Variants in CTNNA2 observed in about 807,000 individuals in gnomAD.
The protein encoded by CTNNA2 is catenin alpha 2, also known as catenin alpha-2.
In CTNNA2, 42 loss-of-function variants were observed where a neutral mutation model predicts 101.0. The ratio of observed to expected loss-of-function variants is 0.42; its 90% CI spans 0.32 to 0.54. The LOEUF (loss-of-function observed/expected upper bound fraction) is 0.54. Ranked by LOEUF, CTNNA2 falls within the 20% of genes least tolerant of loss-of-function variation. The pLI is 0.14. For synonymous variants in CTNNA2, 450 were observed against 456.4 expected, an observed-to-expected ratio of 0.99 and a Z score of 0.18; for missense variants, 871 against 1,223.1, an observed-to-expected ratio of 0.71 and a Z score of 4.29.
chr2:80,345,554 C>T (rs1307604377), intron 7 of CTNNA2, among the ~76,000 whole-genome samples: 1 of 151,902 alleles, frequency 6.6e-6, no homozygotes, highest in Non-Finnish European at 1.5e-5. Flanking sequence ...TTGCATCCTC[C>T]CAGAAGAATG....
intron 7 of CTNNA2, among the ~76,000 whole-genome samples, chr2:79,925,669 G>A (rs560937934): frequency 4.6e-5 from 7 of 151,966 alleles, no homozygotes; most frequent in East Asian, 3.9e-4. Context: ...AGGTGCTTCC[G>A]GGTCCCCATT....
chr2:79,551,903 T>G (rs1674124573), intron 1 of CTNNA2, among the ~76,000 whole-genome samples: 2 of 152,102 alleles, frequency 1.3e-5, no homozygotes, highest in Non-Finnish European at 2.9e-5. Context: ...CCCAACAGGC[T>G]CTTCCTCCAA....
intron 8 of CTNNA2, among the ~76,000 whole-genome samples, chr2:80,409,398 C>G (rs753479478): frequency 6.6e-5 from 10 of 152,102 alleles, no homozygotes; most frequent in Non-Finnish European, 1.3e-4. Flanking sequence ...ACGGGAATAA[C>G]TCATGCTTAC....
intron 7 of CTNNA2, among the ~76,000 whole-genome samples, chr2:80,053,140 A>G (rs892856355): frequency 1.3e-5 from 2 of 152,138 alleles, no homozygotes; most frequent in African/African-American, 4.8e-5. Context: ...GGAAGTTAGG[A>G]CTTGTCTTTA....
rs529719743 is a variant in CTNNA2 at position 79,932,240 on chromosome 2, A to G, written c.1056+22443A>G. Among the ~76,000 whole-genome samples the G allele has an allele frequency of 9.9e-5, 15 of 152,244 alleles. No individual in the cohort carries two copies. In the South Asian group the frequency reaches 3.1e-3, roughly 32 times the overall value. On this transcript the variant is annotated intron_variant, in intron 7 of 18. Coordinates refer to ENST00000402739, the MANE Select transcript of CTNNA2 (RefSeq NM_001282597.3). The stretch of plus-strand genomic sequence containing the variant: ...ACCTCCAGAGCCCTCCCTTTCTCTG[A>G]AAAAACAATGCTTTATTATAGTTAT...
intron 1 of CTNNA2, among the ~76,000 whole-genome samples, chr2:79,583,958 C>A (rs1549761): frequency 0.7 from 106,909 of 151,976 alleles, 38,479 homozygotes; most frequent in South Asian, 0.8. Context: ...ACTGGAAATA[C>A]GCTTGTAACA....
rs372502309 is a variant in CTNNA2 at position 80,303,582 on chromosome 2, G to A, written c.1057-89629G>A. ...AACCCCGTGAACTGGCCGGCGCGCA[G>A]CTCCGAGAGGCTGTTGTAGCGCAGG... On this transcript the variant is annotated intron_variant, in intron 7 of 18. Transcript: ENST00000402739. The surrounding 1 kb of genome is among the most constrained non-coding windows in gnomAD (Gnocchi z 7.7). The A allele has an allele frequency of 9.3e-6, 15 of 1,614,104 alleles. No homozygotes were observed. In the African/African-American group the frequency reaches 1.9e-4, roughly 20 times the overall value.
At chr2:79,460,768 C>G (rs577111992) in intron 4 of CTNNA2, among the ~76,000 whole-genome samples, 15 of 152,286 alleles carry the variant, frequency 9.8e-5, no homozygotes, top group African/African-American at 2.2e-4. Context: ...CTACATACAC[C>G]AGGAACATTA....
chr2:80,619,391 A>G (rs1670859776), intron 18 of CTNNA2, among the ~76,000 whole-genome samples, 163 bp downstream of exon 18: 1 of 151,960 alleles, frequency 6.6e-6, no homozygotes, highest in Non-Finnish European at 1.5e-5. Context: ...TGGGTCAGAA[A>G]TTCCACAGCA....
intron 2 of CTNNA2, among the ~76,000 whole-genome samples, chr2:79,666,166 G>C (rs2104554653): frequency 6.6e-6 from 1 of 152,110 alleles, no homozygotes; most frequent in East Asian, 1.9e-4. Flanking sequence ...TTTAAAAATG[G>C]TTTCCAAACT....
chr2:80,090,488 G>A (rs1699729090), intron 7 of CTNNA2, among the ~76,000 whole-genome samples: 1 of 152,006 alleles, frequency 6.6e-6, no homozygotes, highest in South Asian at 2.1e-4. Flanking sequence ...TTGAAAGTTA[G>A]CTGTTGTTCA....
chr2:79,717,449 G>T (rs1686181546), intron 2 of CTNNA2, among the ~76,000 whole-genome samples: 1 of 152,184 alleles, frequency 6.6e-6, no homozygotes, highest in South Asian at 2.1e-4. Flanking sequence ...AAGGAAGTGT[G>T]GTTCAGGCTG....
intron 4 of CTNNA2, among the ~76,000 whole-genome samples, chr2:79,404,931 C>T (rs1678326029): frequency 6.6e-6 from 1 of 151,916 alleles, no homozygotes; most frequent in South Asian, 2.1e-4. Flanking sequence ...TTTTAAAGAA[C>T]TCTATTGAGA....
At position 80,368,867 on chromosome 2, in the gene CTNNA2, G is replaced by GTATATATATATA. The variant is rs1553505682; in HGVS notation, c.1057-24338_1057-24327dup. Among the ~76,000 whole-genome samples the GTATATATATATA allele has an allele frequency of 5.0e-3, 729 of 144,726 alleles. 6 individuals carry two copies. The highest frequency in any genetic ancestry group is 0.016 in the African/African-American group (602 of 38,716). 94.9% of individuals were successfully genotyped at this position (144,726 alleles called of 152,430 possible). A position where few individuals can be genotyped will look rare whatever the true frequency, so the allele number is the denominator to read the frequency against. On this transcript the variant is annotated intron_variant, in intron 7 of 18. Coordinates refer to ENST00000402739, the MANE Select transcript of CTNNA2 (RefSeq NM_001282597.3). ...TATATATGTGTGTGTGTGTGTGTGT[G>GTATATATATATA]TATATATATATATATATTTGGCACG...
chr2:80,025,000 A>G (rs1282807579), intron 7 of CTNNA2, among the ~76,000 whole-genome samples: 1 of 152,000 alleles, frequency 6.6e-6, no homozygotes, highest in African/African-American at 2.4e-5. Context: ...TGGGAAGATA[A>G]TCTTCCCCTC....
intron 1 of CTNNA2, chr2:79,649,326 A>G (rs1489600346): frequency 6.5e-6 from 1 of 154,738 alleles, no homozygotes; most frequent in Non-Finnish European, 1.5e-5. Context: ...TGTCACTATC[A>G]TGTTACAATG....
At chr2:79,518,715 A>C (rs551751380) in intron 1 of CTNNA2, among the ~76,000 whole-genome samples, 35 of 152,294 alleles carry the variant, frequency 2.3e-4, no homozygotes, top group East Asian at 1.7e-3. Flanking sequence ...AAATATCATC[A>C]ATCTATCTTT....
At chr2:80,209,620 CACAG>C (rs1343083935) in intron 7 of CTNNA2, among the ~76,000 whole-genome samples, 1 of 152,088 alleles carries the variant, frequency 6.6e-6, no homozygotes, top group African/African-American at 2.4e-5. Flanking sequence ...CACACACACA[CACAG>C]ACACACCACA....
intron 7 of CTNNA2, among the ~76,000 whole-genome samples, chr2:80,002,520 A>C (rs1693020928): frequency 6.6e-6 from 1 of 152,144 alleles, no homozygotes; most frequent in African/African-American, 2.4e-5. Flanking sequence ...GAGGTAATTT[A>C]ACAGAGGTAC....
Sources: gnomAD v4.1 joint callset for allele counts (sites outside exome capture counted in the v4.1 genomes callset) on GRCh38, gnomAD v4.1.1 for gene constraint, Gnocchi (gnomAD v3.1) non-coding constraint, MANE v1.5 for transcripts, NCBI Gene and HGNC (gene_info 2026-07-23, HGNC 2026-07-21) for gene names.